The following RIC8B variants were observed in gnomAD, a reference collection of about 807,000 sequenced individuals.
The protein encoded by RIC8B is chaperone Ric-8B.
In RIC8B, 16 loss-of-function variants were observed where a neutral mutation model predicts 57.5. The observed-to-expected ratio is 0.28, with a 90% CI of 0.19 to 0.42. The LOEUF (loss-of-function observed/expected upper bound fraction) is 0.42. Among genes scored for constraint, RIC8B ranks in the 10% least tolerant of loss-of-function variants. The probability of loss-of-function intolerance (pLI) is 1.00; values close to 1 mark genes in which losing one functional copy is unlikely to be tolerated. For missense variants in RIC8B, 481 were observed against 677.0 expected (o/e 0.71, Z 3.21); for synonymous variants, 216 against 250.8 (o/e 0.86, Z 1.31).
At chr12:106,814,635 A>C in intron 2 of RIC8B, 61 bp from the exon 3 acceptor site, 1 of 1,501,370 alleles carries the variant, frequency 6.7e-7, no homozygotes, top group Non-Finnish European at 8.9e-7. Flanking sequence ...GCAGAGAAAC[A>C]TTCTGTGTTA....
In RIC8B at chr12:106,797,982, C is replaced by A. The variant is rs534205829; in HGVS notation, c.132+13938C>A. On this transcript the variant is annotated intron_variant, in intron 2 of 9. Transcript: ENST00000392837. ...TATTTATTTCCTGATTTTAGGCACCCGAAATGTGAGATTTGATGGAGAACA... is the reference window on the plus strand; with the variant it reads ...TATTTATTTCCTGATTTTAGGCACCAGAAATGTGAGATTTGATGGAGAACA... The A allele has an allele frequency of 1.4e-4, 95 of 701,822 alleles. 1 individual carries two copies. In the South Asian group the frequency reaches 1.5e-3, roughly 11 times the overall value. The allele number at this position is 701,822 out of a possible 1,614,324, so 43.5% of individuals were successfully genotyped here.
chr12:106,822,281 C>CA (rs2045891195), intron 3 of RIC8B: 2 of 152,076 alleles, frequency 1.3e-5, no homozygotes, highest in South Asian at 4.1e-4. Flanking sequence ...CTGACTCTAA[C>CA]AAGTATTGGT....
intron 1 of RIC8B, 88 bp downstream of exon 1, chr12:106,774,917 T>G: frequency 2.1e-6 from 2 of 958,800 alleles, no homozygotes; most frequent in East Asian, 2.7e-5. Context: ...ACCCCCCTCA[T>G]TCCGGGGATG....
chr12:106,826,200 A>C (rs143074093), intron 4 of RIC8B, among the ~76,000 whole-genome samples: 1,705 of 152,304 alleles, frequency 0.011, 22 homozygotes, highest in Non-Finnish European at 0.018. Context: ...TGCCAACATT[A>C]TAAGGTAGAT....
chr12:106,842,903 GA>G, intron 5 of RIC8B, 86 bp downstream of exon 5: 2 of 788,056 alleles, frequency 2.5e-6, no homozygotes, highest in Admixed American at 5.2e-5. Context: ...CACAGAGCAT[GA>G]TTTTTAAATC....
At chr12:106,830,316 T>C (rs1457679846) in intron 4 of RIC8B, among the ~76,000 whole-genome samples, 1 of 152,258 alleles carries the variant, frequency 6.6e-6, no homozygotes, top group Non-Finnish European at 1.5e-5. Context: ...AGGCAGACTT[T>C]TAATAAATGT....
intron 9 of RIC8B, among the ~76,000 whole-genome samples, chr12:106,877,173 A>C (rs1163043818): frequency 6.6e-6 from 1 of 152,118 alleles, no homozygotes; most frequent in Non-Finnish European, 1.5e-5. Flanking sequence ...TTAAGGTATA[A>C]AAAATGCTTC....
chr12:106,881,443 C>T (rs1950929988), intron 9 of RIC8B, among the ~76,000 whole-genome samples: 1 of 150,856 alleles, frequency 6.6e-6, no homozygotes, highest in Non-Finnish European at 1.5e-5. Flanking sequence ...TCTTCTGCTT[C>T]TGGGATGCCT....
intron 6 of RIC8B, among the ~76,000 whole-genome samples, 161 bp downstream of exon 6, chr12:106,844,108 T>C (rs1949080548): frequency 6.6e-6 from 1 of 152,212 alleles, no homozygotes; most frequent in African/African-American, 2.4e-5. Flanking sequence ...ATTTTTTGAG[T>C]CATTCATTCA....
intron 9 of RIC8B, chr12:106,872,974 C>T (rs760371192): frequency 3.2e-6 from 3 of 943,628 alleles, no homozygotes; most frequent in African/African-American, 1.8e-5. Context: ...TTTCATAAGG[C>T]ATCTCTATCA....
chr12:106,809,897 A>AC (rs1394919859), intron 2 of RIC8B, among the ~76,000 whole-genome samples: 1 of 151,958 alleles, frequency 6.6e-6, no homozygotes, highest in Non-Finnish European at 1.5e-5. Flanking sequence ...GGTAACTGTA[A>AC]TTGACCTGTT....
intron 7 of RIC8B, among the ~76,000 whole-genome samples, chr12:106,852,105 G>C (rs1004764684): frequency 2.6e-5 from 4 of 152,078 alleles, no homozygotes; most frequent in Admixed American, 6.5e-5. Flanking sequence ...TAAGATAGTG[G>C]TAGAGAGAAA....
chr12:106,810,043 TATTA>T (rs1353725626), intron 2 of RIC8B, among the ~76,000 whole-genome samples: 1 of 151,192 alleles, frequency 6.6e-6, no homozygotes, highest in African/African-American at 2.4e-5. Context: ...ATTTATTATT[TATTA>T]TTTATTTCTT....
chr12:106,826,583 G>A (rs572023758), intron 4 of RIC8B, among the ~76,000 whole-genome samples: 27 of 151,952 alleles, frequency 1.8e-4, no homozygotes, highest in African/African-American at 5.3e-4. Flanking sequence ...GTGAAACCCC[G>A]TCTCCATTAA....
At chr12:106,871,689 T>C (rs1368657949) in intron 9 of RIC8B, among the ~76,000 whole-genome samples, 12 of 152,174 alleles carry the variant, frequency 7.9e-5, no homozygotes, top group Admixed American at 7.9e-4. Context: ...CTATCTTCTT[T>C]AAGCCATCTT....
At chr12:106,874,313 C>T (rs1349281486) in intron 9 of RIC8B, among the ~76,000 whole-genome samples, 2 of 152,150 alleles carry the variant, frequency 1.3e-5, no homozygotes, top group Admixed American at 6.5e-5. Flanking sequence ...TCAACCAAGT[C>T]GTTATTGTGC....
chr12:106,837,008 T>G (rs1593258925), intron 4 of RIC8B, among the ~76,000 whole-genome samples: 1 of 152,324 alleles, frequency 6.6e-6, no homozygotes, highest in East Asian at 1.9e-4. Flanking sequence ...ACTCTCTCTC[T>G]AATCCCTTCA....
chr12:106,780,877 T>C (rs947785915), intron 1 of RIC8B, among the ~76,000 whole-genome samples: 1 of 152,218 alleles, frequency 6.6e-6, no homozygotes, highest in South Asian at 2.1e-4. Context: ...CACTACTGTG[T>C]GCAAGGTGCC....
intron 1 of RIC8B, among the ~76,000 whole-genome samples, chr12:106,778,157 G>A (rs1293359316): frequency 1.3e-5 from 2 of 152,198 alleles, no homozygotes; most frequent in African/African-American, 2.4e-5. Context: ...GGGATAGCAC[G>A]ATATTAAAAT....
Sources: gnomAD v4.1 joint callset for allele counts (sites outside exome capture counted in the v4.1 genomes callset) on GRCh38, gnomAD v4.1.1 for gene constraint, MANE v1.5 for transcripts, NCBI Gene and HGNC (gene_info 2026-07-23, HGNC 2026-07-21) for gene names.